Variants in CPXM2 observed in about 807,000 individuals in gnomAD.
The protein encoded by CPXM2 is carboxypeptidase X, M14 family member 2, also known as inactive carboxypeptidase-like protein X2.
A neutral mutation model predicts 86.1 loss-of-function variants in CPXM2; 66 were observed. The ratio of observed to expected loss-of-function variants is 0.77; its 90% confidence interval spans 0.63 to 0.94. CPXM2 has a LOEUF of 0.94. Among genes scored for constraint, CPXM2 ranks in the 40% least tolerant of loss-of-function variants. The pLI is 0.00. For missense variants in CPXM2, 948 were observed against 1,026.3 expected (o/e 0.92, Z 1.04); for synonymous variants, 388 against 400.2 (o/e 0.97, Z 0.36).
intron 10 of CPXM2, among the ~76,000 whole-genome samples, chr10:123,766,301 GAA>G (rs1846470867): frequency 6.6e-6 from 1 of 152,156 alleles, no homozygotes; most frequent in African/African-American, 2.4e-5. Flanking sequence ...TTTATGTGAA[GAA>G]AGAAAGAAAC....
intron 6 of CPXM2, among the ~76,000 whole-genome samples, chr10:123,797,191 A>G (rs1847351744): frequency 6.6e-6 from 1 of 152,236 alleles, no homozygotes; most frequent in South Asian, 2.1e-4. Flanking sequence ...CTGAGTAAGC[A>G]TTTACCCAAA....
In CPXM2 at chr10:123,851,661, C is replaced by T. The variant is rs564985743; in HGVS notation, c.514-9173G>A. Reference sequence around the variant, plus strand: ...GCACGCACCTGTAATCCCAGCTCCTCGGGAGGCTGAGGCAGGGGAATCGCT... The same window carrying T: ...GCACGCACCTGTAATCCCAGCTCCTTGGGAGGCTGAGGCAGGGGAATCGCT... On this transcript the variant is annotated intron_variant, in intron 3 of 13. Coordinates refer to ENST00000241305, the MANE Select transcript of CPXM2 (RefSeq NM_198148.3). Among the ~76,000 whole-genome samples, 108 of 151,192 alleles carry T rather than the reference C, an allele frequency of 7.1e-4. 2 individuals carry two copies. In the Middle Eastern group the frequency reaches 0.014, roughly 19 times the overall value.
At chr10:123,752,119 A>C in intron 13 of CPXM2, 11 of 985,440 alleles carry the variant, frequency 1.1e-5, no homozygotes, top group African/African-American at 1.7e-5. Flanking sequence ...TGTAATGTTT[A>C]AAATACAAAT....
chr10:123,769,486 G>A (rs139686214), intron 8 of CPXM2: 130 of 152,578 alleles, frequency 8.5e-4, no homozygotes, highest in African/African-American at 2.9e-3. Flanking sequence ...GGAGGCTGAG[G>A]TGGGAGGATT....
chr10:123,863,340 G>A (rs1174769574), intron 2 of CPXM2, among the ~76,000 whole-genome samples: 1 of 152,218 alleles, frequency 6.6e-6, no homozygotes, highest in African/African-American at 2.4e-5. Context: ...GGAGCATTTA[G>A]TGAAGGCGGA....
chr10:123,772,995 G>A (rs1037907410), intron 7 of CPXM2, among the ~76,000 whole-genome samples: 1 of 150,776 alleles, frequency 6.6e-6, no homozygotes, highest in African/African-American at 2.4e-5. Context: ...CCCTTGTTGT[G>A]GTTCTCACCT....
intron 4 of CPXM2, among the ~76,000 whole-genome samples, chr10:123,817,737 T>C (rs182154745): frequency 2.0e-5 from 3 of 151,926 alleles, no homozygotes; most frequent in African/African-American, 7.2e-5. Context: ...TCATGGGGAG[T>C]TCCCTATCAT....
intron 1 of CPXM2, among the ~76,000 whole-genome samples, chr10:123,890,826 C>T (rs1441714129): frequency 1.3e-5 from 2 of 152,170 alleles, no homozygotes; most frequent in African/African-American, 4.8e-5. Context: ...GCTGTGCCAT[C>T]CTGCCCCAGC....
chr10:123,756,246 A>G (rs1207780958), intron 12 of CPXM2, among the ~76,000 whole-genome samples: 1 of 152,206 alleles, frequency 6.6e-6, no homozygotes, highest in Non-Finnish European at 1.5e-5. Flanking sequence ...AACACTTAGA[A>G]AAAAACAGGA....
In CPXM2 at chr10:123,746,594, C is replaced by A; in HGVS notation, c.*170G>T. The A allele has an allele frequency of 1.5e-6, 1 of 648,856 alleles. No homozygotes were observed. The highest frequency in any genetic ancestry group is 2.6e-6 in the Non-Finnish European group (1 of 379,688). The allele number at this position is 648,856 out of a possible 1,614,324, so 40.2% of individuals were successfully genotyped here. A position where few individuals can be genotyped will look rare whatever the true frequency, so the allele number is the denominator to read the frequency against. On this transcript the variant is annotated 3_prime_UTR_variant, in exon 14 of 14. Transcript: ENST00000241305. ...ATAAATGGGAACAAAGAAAAGAAAA[C>A]AGCCTCAGCCTCCAGCCTTCCCTTT...
chr10:123,770,392 A>G (rs1277969637), intron 8 of CPXM2, among the ~76,000 whole-genome samples: 1 of 152,260 alleles, frequency 6.6e-6, no homozygotes, highest in Non-Finnish European at 1.5e-5. Context: ...GCACCTAAAT[A>G]TCAGCAGATT....
At chr10:123,924,787 C>G (rs989456294) in intron 2 of CPXM2, among the ~76,000 whole-genome samples, 1 of 152,116 alleles carries the variant, frequency 6.6e-6, no homozygotes, top group South Asian at 2.1e-4. Context: ...GGGGGCCCAA[C>G]AAGAGTCATC....
intron 2 of CPXM2, among the ~76,000 whole-genome samples, chr10:123,903,617 AG>A (rs943249958): frequency 6.6e-6 from 1 of 152,196 alleles, no homozygotes; most frequent in African/African-American, 2.4e-5. Context: ...TCTCAGGGAT[AG>A]GGGAAGAGGA....
chr10:123,794,734 CGTGTGT>C (rs142855432), intron 6 of CPXM2, among the ~76,000 whole-genome samples: 126 of 141,318 alleles, frequency 8.9e-4, no homozygotes, highest in Middle Eastern at 3.6e-3. Flanking sequence ...TATTTAAGAC[CGTGTGT>C]GTGTGTGTGT....
intron 2 of CPXM2, among the ~76,000 whole-genome samples, chr10:123,901,367 C>T (rs566044522): frequency 6.6e-6 from 1 of 151,044 alleles, no homozygotes; most frequent in Non-Finnish European, 1.5e-5. Flanking sequence ...AGGGCTGAGG[C>T]ATAACAGAGA....
At chr10:123,818,703 C>G (rs1590034381) in intron 4 of CPXM2, among the ~76,000 whole-genome samples, 1 of 152,290 alleles carries the variant, frequency 6.6e-6, no homozygotes, top group Non-Finnish European at 1.5e-5. Flanking sequence ...ACCATGTTCC[C>G]CATCATCCTG....
At chr10:123,904,001 C>T (rs1025716296) in intron 2 of CPXM2, among the ~76,000 whole-genome samples, 3 of 152,176 alleles carry the variant, frequency 2.0e-5, no homozygotes, top group Admixed American at 6.5e-5. Context: ...TCCAATGCAA[C>T]GCTCAGCTCC....
chr10:123,768,392 TA>T (rs1846541105), intron 9 of CPXM2, 133 bp downstream of exon 9: 1 of 165,904 alleles, frequency 6.0e-6, no homozygotes. Context: ...AATAAATAAA[TA>T]AATAAATAAA....
intron 4 of CPXM2, among the ~76,000 whole-genome samples, chr10:123,809,778 T>A (rs1427042532): frequency 6.6e-6 from 1 of 152,052 alleles, no homozygotes; most frequent in Non-Finnish European, 1.5e-5. Context: ...TTAGTATACT[T>A]GGTAAAATTC....
Sources: allele counts gnomAD v4.1 joint callset (sites outside exome capture counted in the v4.1 genomes callset), GRCh38; gene constraint gnomAD v4.1.1; transcripts MANE v1.5; gene names NCBI Gene and HGNC (gene_info 2026-07-23, HGNC 2026-07-21).